The following GADL1 variants were observed in gnomAD, a reference collection of about 807,000 sequenced individuals.
GADL1 encodes the protein GAD like acidic amino acid decarboxylase 1.
In GADL1, 71 loss-of-function variants were observed where a neutral mutation model predicts 69.5. That is an observed-to-expected ratio of 1.02 (90% confidence interval 0.84 to 1.25). GADL1 has a LOEUF of 1.25. GADL1 is among the 50% of genes most tolerant of loss of function. GADL1 has a pLI of 0.00. For synonymous variants in GADL1, 254 were observed against 214.4 expected (o/e 1.18, Z -1.62); for missense variants, 737 against 631.8 (o/e 1.17, Z -1.79).
chr3:30,887,644 A>G (rs1698727016), intron 1 of GADL1, among the ~76,000 whole-genome samples: 1 of 152,166 alleles, frequency 6.6e-6, no homozygotes, highest in Non-Finnish European at 1.5e-5. Flanking sequence ...GCAAGAGAAA[A>G]GAGACTAAGA....
intron 14 of GADL1, among the ~76,000 whole-genome samples, chr3:30,760,727 AAT>A (rs1226364048): frequency 6.6e-6 from 1 of 152,138 alleles, no homozygotes; most frequent in Non-Finnish European, 1.5e-5. Context: ...CTTGTAAAGC[AAT>A]GAGTGGTTTT....
chr3:30,854,745 A>G lies in GADL1; in HGVS notation c.382T>C (p.Tyr128His). Residue 128 changes from tyrosine (Y) to histidine (H), a missense_variant, in exon 4 of 15, where the codon TAC becomes CAC. Transcript: ENST00000282538. ...FNQLYAGLDY[Y>H]SLVARFMTEA... ...GTCATAAATCGGGCCACCAAGGAGT[A>G]ATAATCAAGTCCAGCATACAATTGG... The G allele has an allele frequency of 1.3e-6, 2 of 1,550,086 alleles. No individual in the cohort carries two copies. Among genetic ancestry groups the G allele is most frequent in the Non-Finnish European group, 1.7e-6 (2 of 1,145,786 alleles).
At chr3:30,866,563 C>T (rs1327190831) in intron 1 of GADL1, among the ~76,000 whole-genome samples, 1 of 152,012 alleles carries the variant, frequency 6.6e-6, no homozygotes, top group Non-Finnish European at 1.5e-5. Flanking sequence ...ATCAAATGAC[C>T]AGGGTAATAA....
intron 12 of GADL1, among the ~76,000 whole-genome samples, chr3:30,796,680 T>C (rs1697039468): frequency 1.3e-5 from 2 of 152,130 alleles, no homozygotes; most frequent in South Asian, 4.1e-4. Context: ...AAAGCAGAAC[T>C]GAAAGATGCA....
At chr3:30,866,179 C>G (rs1292932755) in intron 1 of GADL1, among the ~76,000 whole-genome samples, 3 of 151,946 alleles carry the variant, frequency 2.0e-5, no homozygotes, top group Non-Finnish European at 4.4e-5. Flanking sequence ...TAAATGACAC[C>G]AGGCACGGTG....
chr3:30,794,434 ATTT>A (rs1004700720), intron 12 of GADL1, among the ~76,000 whole-genome samples: 21 of 152,074 alleles, frequency 1.4e-4, no homozygotes, highest in African/African-American at 4.6e-4. Context: ...ATAGTAAAAC[ATTT>A]TTTACTTTCC....
chr3:30,778,375 T>C lies in GADL1; in HGVS notation c.1303-107A>G, dbSNP rs530388667. ...GTTTCTTCAAGAGTTATCATGTGTATAAAATTTTAACATCAGAATCTTATA... is the reference window on the plus strand; with the variant it reads ...GTTTCTTCAAGAGTTATCATGTGTACAAAATTTTAACATCAGAATCTTATA... On this transcript the variant is annotated intron_variant, in intron 13 of 14. Coordinates refer to ENST00000282538, the MANE Select transcript of GADL1 (RefSeq NM_207359.3). 5.5e-4 allele frequency: 384 copies of C among 695,830 alleles called. 5 individuals carry two copies. In the Middle Eastern group the frequency reaches 5.9e-3, roughly 11 times the overall value. The allele number at this position is 695,830 out of a possible 1,614,324, so 43.1% of individuals were successfully genotyped here.
At position 30,752,347 on chromosome 3, in the gene GADL1, C is replaced by T. The variant is rs560209007; in HGVS notation, c.1393-23932G>A. ...TCTCTCTTGCTGACAGTTACGGGTGCAGTTTAAGCACAATCTATTTAAGTG... is the reference window on the plus strand; with the variant it reads ...TCTCTCTTGCTGACAGTTACGGGTGTAGTTTAAGCACAATCTATTTAAGTG... On this transcript the variant is annotated intron_variant, in intron 14 of 14. Transcript: ENST00000282538. Among the ~76,000 whole-genome samples, 7 of 151,986 alleles carry T rather than the reference C, an allele frequency of 4.6e-5. No homozygotes were observed. The East Asian group carries it at 1.4e-3, about 29-fold the overall frequency.
At chr3:30,865,544 T>C (rs1461366477) in intron 1 of GADL1, among the ~76,000 whole-genome samples, 1 of 151,998 alleles carries the variant, frequency 6.6e-6, no homozygotes, top group Non-Finnish European at 1.5e-5. Flanking sequence ...CTTTCTGAAC[T>C]GATAGCACAG....
intron 14 of GADL1, among the ~76,000 whole-genome samples, chr3:30,730,308 CA>C (rs1165291650): frequency 6.6e-6 from 1 of 151,820 alleles, no homozygotes; most frequent in East Asian, 1.9e-4. Flanking sequence ...AGATGAGTGC[CA>C]AAAAAAGTGA....
At chr3:30,765,541 A>C (rs1250908304) in intron 14 of GADL1, among the ~76,000 whole-genome samples, 1 of 152,248 alleles carries the variant, frequency 6.6e-6, no homozygotes, top group Non-Finnish European at 1.5e-5. Context: ...TTAAACATTC[A>C]GTACCAGGGC....
chr3:30,881,967 C>T (rs1340998687), intron 1 of GADL1, among the ~76,000 whole-genome samples: 1 of 151,900 alleles, frequency 6.6e-6, no homozygotes, highest in East Asian at 2.0e-4. Context: ...CAGATGTTGA[C>T]CCCTCAATCT....
rs111986509 is a variant in GADL1, at chr3:30,742,452, C to T, written c.1393-14037G>A. On this transcript the variant is annotated intron_variant, in intron 14 of 14. Coordinates refer to ENST00000282538, the MANE Select transcript of GADL1 (RefSeq NM_207359.3). ...TCATTTTCTAGCTCCCAGTTTCTTA[C>T]CTTTTGTGTAGTTATTCAACTTTGT... Among the ~76,000 whole-genome samples the T allele has an allele frequency of 5.7e-3, 872 of 152,064 alleles. 6 individuals carry two copies. Among genetic ancestry groups the T allele is most frequent in the South Asian group, 0.036 (175 of 4,824 alleles).
chr3:30,797,893 TA>T (rs879483096), intron 12 of GADL1: 3 of 152,174 alleles, frequency 2.0e-5, no homozygotes, highest in South Asian at 2.1e-4. Flanking sequence ...TTGAACAGTA[TA>T]AGCTCAACAA....
chr3:30,728,100 CA>C lies in GADL1; in HGVS notation c.*141del. 1.5e-6 allele frequency: 1 copy of C among 658,704 alleles called. No individual in the cohort carries two copies. The allele number at this position is 658,704 out of a possible 1,614,324, so 40.8% of individuals were successfully genotyped here. A position where few individuals can be genotyped will look rare whatever the true frequency, so the allele number is the denominator to read the frequency against. ...AGAGTCCTTAATATTCATTGCTTAG[CA>C]TTTTGGTTTTGCTGGGCCTGGACTG... On this transcript the variant is annotated 3_prime_UTR_variant, in exon 15 of 15. Coordinates refer to ENST00000282538, the MANE Select transcript of GADL1 (RefSeq NM_207359.3).
At chr3:30,803,853 T>C (rs1697205044) in intron 11 of GADL1, among the ~76,000 whole-genome samples, 3 of 152,218 alleles carry the variant, frequency 2.0e-5, no homozygotes, top group Admixed American at 2.0e-4. Flanking sequence ...AGAAAACATT[T>C]TAGAATAAGT....
chr3:30,746,144 A>T (rs1356367518), intron 14 of GADL1, among the ~76,000 whole-genome samples: 1 of 151,984 alleles, frequency 6.6e-6, no homozygotes, highest in Non-Finnish European at 1.5e-5. Flanking sequence ...GTGTGCCACC[A>T]TGCCTGGCTA....
chr3:30,848,635 C>T (rs772718070), intron 6 of GADL1, among the ~76,000 whole-genome samples: 5 of 152,082 alleles, frequency 3.3e-5, no homozygotes, highest in African/African-American at 4.8e-5. Context: ...GAGGCATCCA[C>T]TAGAATCACA....
chr3:30,860,833 C>T (rs1436429899), intron 2 of GADL1, among the ~76,000 whole-genome samples: 2 of 151,876 alleles, frequency 1.3e-5, no homozygotes, highest in African/African-American at 2.4e-5. Context: ...ATTTTAGTCC[C>T]GGCTCTGATA....
Sources: allele counts gnomAD v4.1 joint callset (sites outside exome capture counted in the v4.1 genomes callset), GRCh38; gene constraint gnomAD v4.1.1; transcripts MANE v1.5; gene names NCBI Gene and HGNC (gene_info 2026-07-23, HGNC 2026-07-21).